ANKRD28: variants seen among roughly 807,000 people sequenced by gnomAD.
ANKRD28 encodes ankyrin repeat domain 28.
Under a neutral mutation model 126.5 loss-of-function variants are expected in ANKRD28, and 44 were observed. The ratio of observed to expected loss-of-function variants is 0.35; its 90% CI spans 0.27 to 0.45. The LOEUF is 0.45. Ranked by LOEUF, ANKRD28 falls within the 20% of genes least tolerant of loss-of-function variation. The pLI is 1.00. For missense variants in ANKRD28, 1,110 were observed against 1,316.6 expected (o/e 0.84, Z 2.43); for synonymous variants, 442 against 468.5 (o/e 0.94, Z 0.73).
chr3:15,673,474 G>A (rs2066587108), intron 27 of ANKRD28, among the ~76,000 whole-genome samples: 1 of 152,176 alleles, frequency 6.6e-6, no homozygotes, highest in Non-Finnish European at 1.5e-5. Context: ...CACTGTTCTT[G>A]TGGAGCTTAC....
At chr3:15,685,942 G>T in intron 20 of ANKRD28, 60 bp downstream of exon 20, 1 of 1,297,910 alleles carries the variant, frequency 7.7e-7, no homozygotes, top group Non-Finnish European at 1.1e-6. Flanking sequence ...ACCTAGTTCA[G>T]TTCTAGGTAA....
chr3:15,712,327 C>A, intron 10 of ANKRD28, 105 bp from the exon 11 acceptor site: 1 of 881,552 alleles, frequency 1.1e-6, no homozygotes, highest in Non-Finnish European at 1.8e-6. Context: ...AACTAAGAGC[C>A]AAAATGTCTA....
intron 8 of ANKRD28, among the ~76,000 whole-genome samples, chr3:15,720,117 G>A (rs2073541147): frequency 6.6e-6 from 1 of 151,984 alleles, no homozygotes; most frequent in South Asian, 2.1e-4. Flanking sequence ...TCCTACCCTG[G>A]CCTCCCAAAG....
At chr3:15,756,295 T>C (rs2058151125) in intron 3 of ANKRD28, among the ~76,000 whole-genome samples, 1 of 152,190 alleles carries the variant, frequency 6.6e-6, no homozygotes, top group South Asian at 2.1e-4. Flanking sequence ...AGTTATAGAT[T>C]ATATAGGAAA....
intron 1 of ANKRD28, among the ~76,000 whole-genome samples, chr3:15,844,946 G>A (rs1284929909): frequency 6.6e-6 from 1 of 152,154 alleles, no homozygotes; most frequent in Non-Finnish European, 1.5e-5. Context: ...TGCTTCTGGG[G>A]AAGCCTCAGG....
intron 2 of ANKRD28, among the ~76,000 whole-genome samples, chr3:15,782,456 T>C (rs531106647): frequency 2.6e-5 from 4 of 152,226 alleles, no homozygotes; most frequent in Admixed American, 2.6e-4. Flanking sequence ...ATACTCTGCA[T>C]CATACACAAA....
At chr3:15,806,170 T>C (rs553796874) in intron 1 of ANKRD28, among the ~76,000 whole-genome samples, 1 of 152,308 alleles carries the variant, frequency 6.6e-6, no homozygotes, top group Admixed American at 6.5e-5. Context: ...ATACATAAAT[T>C]TTCACGCCTT....
chr3:15,742,199 TCGTCTGGGACGTGAGGAGCCC>T (rs2057091250), intron 4 of ANKRD28, among the ~76,000 whole-genome samples: 1 of 140,830 alleles, frequency 7.1e-6, no homozygotes, highest in Non-Finnish European at 1.5e-5. Context: ...TGGCCGCCCA[TCGTCTGGGACGTGAGGAGCCC>T]CTCTGCCTGG....
At chr3:15,710,373 C>G (rs1173220631) in intron 12 of ANKRD28, among the ~76,000 whole-genome samples, 1 of 152,254 alleles carries the variant, frequency 6.6e-6, no homozygotes, top group South Asian at 2.1e-4. Flanking sequence ...ATCAGACACT[C>G]AAGTCTGTTG....
At chr3:15,671,692 A>C (rs1466973026) in intron 27 of ANKRD28, among the ~76,000 whole-genome samples, 3 of 149,468 alleles carry the variant, frequency 2.0e-5, no homozygotes, top group African/African-American at 7.5e-5. Flanking sequence ...CAAGTGATTC[A>C]CCTGCCTCAG....
intron 4 of ANKRD28, chr3:15,738,871 T>TA (rs766766239): frequency 7.2e-5 from 11 of 152,134 alleles, no homozygotes; most frequent in African/African-American, 9.7e-5. Context: ...TCTGCAAGTG[T>TA]AAAAAGACAG....
chr3:15,736,988 G>T, intron 5 of ANKRD28, 45 bp downstream of exon 5: 1 of 1,579,936 alleles, frequency 6.3e-7, no homozygotes. Flanking sequence ...AGTGGGGGGT[G>T]GACAGGAGGA....
intron 17 of ANKRD28, among the ~76,000 whole-genome samples, chr3:15,692,329 G>A (rs1473303044): frequency 1.3e-5 from 2 of 152,032 alleles, no homozygotes; most frequent in Non-Finnish European, 2.9e-5. Context: ...TGCACCTATA[G>A]TCCTAGCTAC....
intron 1 of ANKRD28, among the ~76,000 whole-genome samples, chr3:15,856,006 G>C (rs1017410401): frequency 6.6e-6 from 1 of 152,136 alleles, no homozygotes; most frequent in Admixed American, 6.5e-5. Flanking sequence ...GTATTTAACG[G>C]GAATCTTATT....
chr3:15,723,726 G>C (rs1403843869), intron 7 of ANKRD28, among the ~76,000 whole-genome samples: 4 of 152,070 alleles, frequency 2.6e-5, no homozygotes, highest in African/African-American at 7.2e-5. Context: ...AGCTGTGATT[G>C]TGCCACTATA....
chr3:15,728,862 G>C (rs1484747478), intron 6 of ANKRD28, among the ~76,000 whole-genome samples: 2 of 152,184 alleles, frequency 1.3e-5, no homozygotes, highest in Admixed American at 6.5e-5. Flanking sequence ...CATGAGGAAA[G>C]GGTTGGTTAT....
chr3:15,728,199 TTAA>T (rs895354683), intron 6 of ANKRD28, among the ~76,000 whole-genome samples: 1 of 152,148 alleles, frequency 6.6e-6, no homozygotes, highest in Non-Finnish European at 1.5e-5. Context: ...ACACTGAAAA[TTAA>T]TAAAAAAGAA....
At chr3:15,823,463 T>C (rs1342756513) in intron 1 of ANKRD28, among the ~76,000 whole-genome samples, 8 of 152,142 alleles carry the variant, frequency 5.3e-5, no homozygotes, top group Non-Finnish European at 1.0e-4. Context: ...GCTGATGAAG[T>C]CTACCAAAAA....
chr3:15,833,305 G>A lies in ANKRD28; in HGVS notation c.27+26072C>T, dbSNP rs1232809231. On this transcript the variant is annotated intron_variant, in intron 1 of 27. Transcript: ENST00000399451. This position sits in a 1 kb window ranked among gnomAD's most constrained non-coding sequence, Gnocchi z 4.4. ...AACGTGAAAAGACTAGACTGGTGTA[G>A]CCTCCCATCCTACATCTTTCTCCTG... Among the ~76,000 whole-genome samples the A allele has an allele frequency of 6.6e-6, 1 of 152,046 alleles. No individual in the cohort carries two copies. The highest frequency in any genetic ancestry group is 6.5e-5 in the Admixed American group (1 of 15,278).
Sources: allele counts gnomAD v4.1 joint callset (sites outside exome capture counted in the v4.1 genomes callset), GRCh38; gene constraint gnomAD v4.1.1; non-coding constraint Gnocchi (gnomAD v3.1); transcripts MANE v1.5; gene names NCBI Gene and HGNC (gene_info 2026-07-23, HGNC 2026-07-21).